SCLT1: variants seen among roughly 807,000 people sequenced by gnomAD.
SCLT1 encodes the protein sodium channel and clathrin linker 1.
SCLT1 carries 78 observed loss-of-function variants against 112.8 expected under a neutral mutation model. The ratio of observed to expected loss-of-function variants is 0.69; its 90% CI spans 0.58 to 0.83. SCLT1 has a LOEUF of 0.83. Ranked by LOEUF, SCLT1 falls within the 40% of genes least tolerant of loss-of-function variation. The pLI, the probability that SCLT1 is intolerant of heterozygous loss-of-function variation, is 0.00. For synonymous variants in SCLT1, 257 were observed against 254.7 expected (o/e 1.01, Z -0.09); for missense variants, 747 against 770.4 (o/e 0.97, Z 0.36).
At chr4:128,938,250 C>A (rs1737378595) in intron 17 of SCLT1, among the ~76,000 whole-genome samples, 1 of 152,112 alleles carries the variant, frequency 6.6e-6, no homozygotes, top group Admixed American at 6.5e-5. Flanking sequence ...ACAATGAGAT[C>A]AACTTTAGTG....
intron 1 of SCLT1, 131 bp downstream of exon 1, chr4:129,092,939 T>C (rs893693459): frequency 2.1e-5 from 15 of 707,748 alleles, no homozygotes; most frequent in Admixed American, 4.8e-5. Context: ...AGGTTTTTTT[T>C]TTCCTGCAAC....
At chr4:129,007,792 AAAAAC>A (rs991958723) in intron 5 of SCLT1, among the ~76,000 whole-genome samples, 22 of 152,302 alleles carry the variant, frequency 1.4e-4, no homozygotes, top group Admixed American at 3.9e-4. Flanking sequence ...TTGACTTTAA[AAAAAC>A]AAAACAAAAC....
chr4:129,013,875 C>G (rs528519542), intron 5 of SCLT1, among the ~76,000 whole-genome samples: 1 of 152,282 alleles, frequency 6.6e-6, no homozygotes, highest in African/African-American at 2.4e-5. Context: ...TGGGTAAGTT[C>G]TAATGGATGG....
chr4:128,957,194 T>C (rs1218839348), intron 12 of SCLT1, 70 bp from the exon 13 acceptor site: 1 of 824,352 alleles, frequency 1.2e-6, no homozygotes, highest in East Asian at 2.7e-5. Flanking sequence ...GGTGAAAACC[T>C]ATCCACTAGT....
intron 9 of SCLT1, among the ~76,000 whole-genome samples, chr4:128,987,546 C>T (rs13115576): frequency 1.2e-4 from 18 of 151,920 alleles, no homozygotes; most frequent in Admixed American, 3.3e-4. Flanking sequence ...GTTGAAAAAT[C>T]CCATTGAAAA....
intron 2 of SCLT1, among the ~76,000 whole-genome samples, chr4:129,079,173 G>A (rs898769516): frequency 3.9e-5 from 6 of 151,914 alleles, no homozygotes; most frequent in South Asian, 4.2e-4. Flanking sequence ...CTCCACCCTC[G>A]GCCCTTCCCA....
At chr4:129,077,062 A>G (rs1273305237) in intron 2 of SCLT1, among the ~76,000 whole-genome samples, 1 of 150,820 alleles carries the variant, frequency 6.6e-6, no homozygotes, top group Non-Finnish European at 1.5e-5. Flanking sequence ...AAATTTACGT[A>G]AAGTATAGTT....
intron 18 of SCLT1, among the ~76,000 whole-genome samples, chr4:128,934,023 A>T (rs181326351): frequency 2.6e-5 from 4 of 152,098 alleles, no homozygotes; most frequent in Non-Finnish European, 5.9e-5. Context: ...TATATAATTA[A>T]GTTAATTTGT....
chr4:128,876,125 A>T (rs965388675), intron 4 of SCLT1, among the ~76,000 whole-genome samples: 2 of 151,868 alleles, frequency 1.3e-5, no homozygotes, highest in East Asian at 3.8e-4. Flanking sequence ...ACTGGTGTGA[A>T]TTATGCATTC....
intron 5 of SCLT1, among the ~76,000 whole-genome samples, chr4:129,010,880 T>G (rs1744459029): frequency 6.6e-6 from 1 of 152,206 alleles, no homozygotes; most frequent in Non-Finnish European, 1.5e-5. Flanking sequence ...ACGGATAGTT[T>G]GACTTCCTCT....
intron 18 of SCLT1, among the ~76,000 whole-genome samples, chr4:128,891,643 C>CTTTTTTT (rs5861870): frequency 8.4e-6 from 1 of 119,526 alleles, no homozygotes; most frequent in African/African-American, 3.1e-5. Context: ...CTATAATATG[C>CTTTTTTT]TTTTTTTTTT....
chr4:128,877,735 A>C (rs986322327), intron 3 of SCLT1, among the ~76,000 whole-genome samples: 1 of 152,210 alleles, frequency 6.6e-6, no homozygotes, highest in Non-Finnish European at 1.5e-5. Context: ...TACACGTGTA[A>C]ACTTCAGTTA....
chr4:128,886,855 G>A (rs1348284858), intron 20 of SCLT1, among the ~76,000 whole-genome samples: 6 of 152,088 alleles, frequency 3.9e-5, no homozygotes, highest in East Asian at 3.8e-4. Context: ...TCCTGTAATC[G>A]TTCCCTTTTT....
At chr4:129,048,464 A>T (rs1748412435) in intron 2 of SCLT1, among the ~76,000 whole-genome samples, 1 of 149,530 alleles carries the variant, frequency 6.7e-6, no homozygotes, top group Admixed American at 6.8e-5. Context: ...CTTACACCTT[A>T]TACAAAAATT....
intron 5 of SCLT1, among the ~76,000 whole-genome samples, chr4:129,009,203 G>A (rs1322617308): frequency 6.6e-6 from 1 of 152,044 alleles, no homozygotes; most frequent in Non-Finnish European, 1.5e-5. Context: ...TGGGTTAAAT[G>A]GCACTTCTGT....
chr4:129,004,405 C>T (rs1743809849), intron 5 of SCLT1, among the ~76,000 whole-genome samples: 1 of 151,944 alleles, frequency 6.6e-6, no homozygotes, highest in Non-Finnish European at 1.5e-5. Flanking sequence ...TATTTTTCAG[C>T]ACATCCTTAT....
Position 129,003,830 on chromosome 4 carries a change from A to T in SCLT1, c.337T>A (p.Phe113Ile), listed in dbSNP as rs372125375. Reference sequence around the variant, plus strand: ...GTTCCTACCTCTGTGCCCAGGGGAAAGGCCTCCAATTTTTTTTCAACAGCA... The same window carrying T: ...GTTCCTACCTCTGTGCCCAGGGGAATGGCCTCCAATTTTTTTTCAACAGCA... The part of the protein sequence containing the change: ...KDAVEKKLEA[F>I]PLGTEVGTDI... Residue 113 changes from phenylalanine (F) to isoleucine (I), a missense_variant, in exon 6 of 21, where the codon TTT becomes ATT. Around this residue, in one of 2 missense-constraint regions of SCLT1, gnomAD observed 723 missense variants for 721.3 expected, o/e 1.00. Transcript: ENST00000281142. 5.6e-6 allele frequency: 9 copies of T among 1,611,868 alleles called. No individual in the cohort carries two copies. The African/African-American group carries it at 1.2e-4, about 22-fold the overall frequency.
intron 4 of SCLT1, among the ~76,000 whole-genome samples, chr4:129,041,203 C>T (rs1217887354): frequency 1.3e-5 from 2 of 152,158 alleles, no homozygotes; most frequent in African/African-American, 4.8e-5. Context: ...CTTTCTGTTG[C>T]TCTTTAATTG....
intron 2 of SCLT1, among the ~76,000 whole-genome samples, chr4:129,059,402 A>G (rs1046020648): frequency 3.9e-5 from 6 of 152,018 alleles, no homozygotes; most frequent in African/African-American, 1.4e-4. Flanking sequence ...TTCTCTAGTG[A>G]TAAGGTTTGA....
Sources: allele counts gnomAD v4.1 joint callset (sites outside exome capture counted in the v4.1 genomes callset), GRCh38; gene constraint gnomAD v4.1.1; regional missense constraint gnomAD v4.1.1; transcripts MANE v1.5; gene names NCBI Gene and HGNC (gene_info 2026-07-23, HGNC 2026-07-21).